TANK: variants seen among roughly 807,000 people sequenced by gnomAD.
TANK encodes the protein TRAF family member associated NFKB activator.
A neutral mutation model predicts 43.6 loss-of-function variants in TANK; 15 were observed. That is an observed-to-expected ratio of 0.34 (90% CI 0.23 to 0.53). TANK has a LOEUF of 0.53. Among genes scored for constraint, TANK ranks in the 20% least tolerant of loss-of-function variants. The probability of loss-of-function intolerance (pLI) is 0.94; values close to 1 mark genes in which losing one functional copy is unlikely to be tolerated. For synonymous variants in TANK, 162 were observed against 178.2 expected (o/e 0.91, Z 0.73); for missense variants, 417 against 498.6 (o/e 0.84, Z 1.56).
At chr2:161,180,932 C>G (rs1479905676) in intron 2 of TANK, among the ~76,000 whole-genome samples, 1 of 145,650 alleles carries the variant, frequency 6.9e-6, no homozygotes, top group Non-Finnish European at 1.5e-5. Flanking sequence ...GGATTGATCA[C>G]ATAGGCACCC....
chr2:161,154,890 G>A (rs753789040), intron 1 of TANK, among the ~76,000 whole-genome samples: 19 of 151,836 alleles, frequency 1.3e-4, no homozygotes, highest in East Asian at 1.9e-4. Context: ...GATTACAGAC[G>A]TGTACCACAA....
intron 7 of TANK, 137 bp from the exon 8 acceptor site, chr2:161,235,205 C>T (rs911373118): frequency 2.2e-5 from 15 of 693,008 alleles, no homozygotes; most frequent in Non-Finnish European, 3.1e-5. Context: ...GCTAACTTTA[C>T]GGAAAAGTAA....
intron 1 of TANK, among the ~76,000 whole-genome samples, chr2:161,149,358 C>T (rs1025133909): frequency 1.1e-4 from 17 of 152,120 alleles, no homozygotes; most frequent in African/African-American, 4.1e-4. Flanking sequence ...TTGCTAAATT[C>T]ATTTATTAGC....
upstream of TANK, among the ~76,000 whole-genome samples, chr2:161,155,694 C>T (rs943871768): frequency 1.3e-5 from 2 of 152,144 alleles, no homozygotes; most frequent in Non-Finnish European, 2.9e-5. Flanking sequence ...GGATTCTTGT[C>T]GAACTTTTTC....
intron 2 of TANK, among the ~76,000 whole-genome samples, chr2:161,185,768 C>G (rs1054807566): frequency 6.6e-6 from 1 of 150,522 alleles, no homozygotes; most frequent in Non-Finnish European, 1.5e-5. Context: ...TGCCAGATGA[C>G]GAGTTAGTGG....
At chr2:161,172,419 T>C (rs189069980) in intron 1 of TANK, among the ~76,000 whole-genome samples, 2 of 150,566 alleles carry the variant, frequency 1.3e-5, no homozygotes, top group Non-Finnish European at 3.0e-5. Flanking sequence ...AAGGATGTAC[T>C]AGTATCAGGA....
chr2:161,160,595 G>C, intron 1 of TANK, 109 bp downstream of exon 1: 1 of 913,700 alleles, frequency 1.1e-6, no homozygotes, highest in Non-Finnish European at 1.5e-6. Context: ...GCGCCGCAGG[G>C]AGAGAAGCCG....
chr2:161,171,776 G>A (rs1013471253), intron 1 of TANK, among the ~76,000 whole-genome samples: 1 of 152,108 alleles, frequency 6.6e-6, no homozygotes, highest in Admixed American at 6.5e-5. Flanking sequence ...CAGCCAACTC[G>A]TTAACTCATA....
At chr2:161,157,742 G>T (rs1328631864), upstream of TANK, among the ~76,000 whole-genome samples, 1 of 151,694 alleles carries the variant, frequency 6.6e-6, no homozygotes, top group Non-Finnish European at 1.5e-5. Flanking sequence ...GGAGTGCAGT[G>T]GCGTGATCTT....
At chr2:161,206,029 A>G (rs1686637993) in intron 4 of TANK, among the ~76,000 whole-genome samples, 2 of 152,218 alleles carry the variant, frequency 1.3e-5, no homozygotes, top group Admixed American at 1.3e-4. Context: ...CTGTACAGGA[A>G]GGGCACACAT....
chr2:161,198,358 C>T (rs903893592), intron 2 of TANK, among the ~76,000 whole-genome samples: 11 of 152,228 alleles, frequency 7.2e-5, no homozygotes, highest in Non-Finnish European at 1.3e-4. Flanking sequence ...ACCCCCAAGG[C>T]TCCAGGCAAC....
chr2:161,137,352 C>A (rs1018518025), intron 1 of TANK: 7 of 392,218 alleles, frequency 1.8e-5, no homozygotes, highest in Non-Finnish European at 2.1e-5. Flanking sequence ...AGTGAGACCC[C>A]ATCTCTATTT....
chr2:161,228,067 C>T (rs907694121), intron 6 of TANK, among the ~76,000 whole-genome samples: 9 of 152,088 alleles, frequency 5.9e-5, no homozygotes, highest in Non-Finnish European at 1.3e-4. Context: ...AGACACTGGG[C>T]AAGGGTCTGG....
At chr2:161,139,861 G>T (rs959535281) in intron 1 of TANK, 4 of 985,288 alleles carry the variant, frequency 4.1e-6, no homozygotes, top group African/African-American at 1.7e-5. Context: ...TTATGACAGT[G>T]CTAGCTGCAG....
At chr2:161,194,240 A>T (rs936411357) in intron 2 of TANK, among the ~76,000 whole-genome samples, 2 of 151,958 alleles carry the variant, frequency 1.3e-5, no homozygotes, top group Admixed American at 6.6e-5. Context: ...TGCTTGTCCC[A>T]AGATTCTTTG....
chr2:161,224,831 C>T lies in TANK; in HGVS notation c.520+85C>T, dbSNP rs939537563. 4 of 805,094 alleles carry T rather than the reference C, an allele frequency of 5.0e-6. No homozygotes were observed. In the African/African-American group the frequency reaches 7.1e-5, roughly 14 times the overall value. 49.9% of individuals were successfully genotyped at this position (805,094 alleles called of 1,614,324 possible). On this transcript the variant is annotated intron_variant, in intron 6 of 7. Coordinates refer to ENST00000392749, the MANE Select transcript of TANK (RefSeq NM_001199135.3). Reference sequence around the variant, plus strand: ...TGAATGTGAAAATATTCCTGAATGCCTATTAAGTGTGTAGCATCTGTAATT... The same window carrying T: ...TGAATGTGAAAATATTCCTGAATGCTTATTAAGTGTGTAGCATCTGTAATT...
At chr2:161,180,616 T>C (rs924347793) in intron 2 of TANK, among the ~76,000 whole-genome samples, 1 of 152,166 alleles carries the variant, frequency 6.6e-6, no homozygotes. Context: ...TTCTCTCCTT[T>C]TTATTATGTT....
chr2:161,178,549 GA>G (rs1685274808), intron 1 of TANK, among the ~76,000 whole-genome samples: 2 of 152,056 alleles, frequency 1.3e-5, no homozygotes, highest in South Asian at 4.1e-4. Flanking sequence ...CTGTTTTAGG[GA>G]GGGTGATTAA....
At chr2:161,161,043 T>G in intron 1 of TANK, 1 of 563,310 alleles carries the variant, frequency 1.8e-6, no homozygotes, top group East Asian at 3.3e-5. Context: ...ACGGAGGGAG[T>G]GGGTGGCCAA....
Sources: gnomAD v4.1 joint callset for allele counts (sites outside exome capture counted in the v4.1 genomes callset) on GRCh38, gnomAD v4.1.1 for gene constraint, MANE v1.5 for transcripts, NCBI Gene and HGNC (gene_info 2026-07-23, HGNC 2026-07-21) for gene names.